Variants in GRM3 observed in about 807,000 individuals in gnomAD.
The protein encoded by GRM3 is glutamate metabotropic receptor 3, also known as metabotropic glutamate receptor 3.
Under a neutral mutation model 70.5 loss-of-function variants are expected in GRM3, and 26 were observed. The ratio of observed to expected loss-of-function variants is 0.37; its 90% CI spans 0.27 to 0.51. GRM3 has a LOEUF of 0.51. GRM3 is among the 20% of genes least tolerant of loss of function. GRM3 has a pLI of 0.93. For missense variants in GRM3, 859 were observed against 1,123.8 expected, an observed-to-expected ratio of 0.76 and a Z score of 3.37; for synonymous variants, 443 against 434.9, an observed-to-expected ratio of 1.02 and a Z score of -0.23.
At chr7:86,855,880 G>C (rs191873016) in intron 5 of GRM3, among the ~76,000 whole-genome samples, 1 of 152,080 alleles carries the variant, frequency 6.6e-6, no homozygotes, top group Non-Finnish European at 1.5e-5. Flanking sequence ...TTCAGCCCCC[G>C]AAAAACAGCA....
chr7:86,733,240 G>A (rs1795779283), intron 1 of GRM3, among the ~76,000 whole-genome samples: 1 of 151,822 alleles, frequency 6.6e-6, no homozygotes, highest in Non-Finnish European at 1.5e-5. Context: ...CAGGAACCCA[G>A]GAGGTGGAGC....
intron 1 of GRM3, among the ~76,000 whole-genome samples, chr7:86,710,635 G>A (rs1795176123): frequency 6.6e-6 from 1 of 150,826 alleles, no homozygotes; most frequent in South Asian, 2.1e-4. Flanking sequence ...ATTAACTTGG[G>A]GAAAATAGTT....
intron 5 of GRM3, among the ~76,000 whole-genome samples, 159 bp from the exon 6 acceptor site, chr7:86,864,123 C>T (rs577399770): frequency 6.7e-6 from 1 of 149,138 alleles, no homozygotes; most frequent in African/African-American, 2.6e-5. Flanking sequence ...GCACCCATCA[C>T]CTGGGTAGTA....
intron 1 of GRM3, among the ~76,000 whole-genome samples, chr7:86,654,481 T>C (rs1221388066): frequency 2.0e-5 from 3 of 152,194 alleles, no homozygotes; most frequent in Non-Finnish European, 2.9e-5. Flanking sequence ...TCACTTCTAC[T>C]GGACTGTCCC....
chr7:86,688,964 A>G (rs1015146440), intron 1 of GRM3, among the ~76,000 whole-genome samples: 33 of 148,230 alleles, frequency 2.2e-4, no homozygotes, highest in African/African-American at 7.8e-4. Context: ...AGTCTTGGTC[A>G]ATTAATTTAT....
At chr7:86,784,622 G>A (rs1584241263) in intron 2 of GRM3, 1 of 152,280 alleles carries the variant, frequency 6.6e-6, no homozygotes, top group South Asian at 2.1e-4. Context: ...GCCTAAATAA[G>A]TCAGTATAGG....
chr7:86,748,237 T>C (rs1045393155), intron 1 of GRM3, among the ~76,000 whole-genome samples: 6 of 152,060 alleles, frequency 3.9e-5, no homozygotes, highest in African/African-American at 1.4e-4. Context: ...GGAATATATA[T>C]ATTTTTTGTT....
chr7:86,808,471 C>T (rs572333690), intron 3 of GRM3, among the ~76,000 whole-genome samples: 7 of 151,236 alleles, frequency 4.6e-5, no homozygotes, highest in African/African-American at 1.7e-4. Context: ...ATGGCCCCAC[C>T]CTCTTCTGTA....
At chr7:86,809,501 C>T (rs572251213) in intron 3 of GRM3, among the ~76,000 whole-genome samples, 3 of 152,006 alleles carry the variant, frequency 2.0e-5, no homozygotes, top group Non-Finnish European at 2.9e-5. Context: ...AGGCAATCCT[C>T]GGGTTGCTCT....
chr7:86,736,260 T>C (rs1475063630), intron 1 of GRM3, among the ~76,000 whole-genome samples: 1 of 152,156 alleles, frequency 6.6e-6, no homozygotes, highest in East Asian at 1.9e-4. Context: ...AGATCCAAAG[T>C]GATCTTCAGG....
chr7:86,837,398 A>G (rs948598583), intron 3 of GRM3, among the ~76,000 whole-genome samples: 1 of 152,166 alleles, frequency 6.6e-6, no homozygotes, highest in African/African-American at 2.4e-5. Flanking sequence ...GGTGGAATGA[A>G]GCTCGCAGGG....
At chr7:86,756,290 G>A (rs1003628863) in intron 1 of GRM3, among the ~76,000 whole-genome samples, 1 of 152,072 alleles carries the variant, frequency 6.6e-6, no homozygotes, top group African/African-American at 2.4e-5. Context: ...TGTTGGCCAG[G>A]CTGGTCTCGA....
At chr7:86,840,261 T>A (rs943828108) in intron 4 of GRM3, among the ~76,000 whole-genome samples, 9 of 152,176 alleles carry the variant, frequency 5.9e-5, no homozygotes, top group Non-Finnish European at 1.2e-4. Context: ...AATCTAATTG[T>A]GAATCTATTT....
chr7:86,673,275 G>A (rs1794218745), intron 1 of GRM3, among the ~76,000 whole-genome samples: 1 of 152,064 alleles, frequency 6.6e-6, no homozygotes, highest in African/African-American at 2.4e-5. Flanking sequence ...TTATTTGTGG[G>A]GGAAGTAAGT....
At chr7:86,699,983 A>AACCC (rs1794913180) in intron 1 of GRM3, among the ~76,000 whole-genome samples, 1 of 151,978 alleles carries the variant, frequency 6.6e-6, no homozygotes, top group Non-Finnish European at 1.5e-5. Context: ...ATTAAGAGGT[A>AACCC]ACCCACACTA....
intron 1 of GRM3, among the ~76,000 whole-genome samples, chr7:86,759,145 T>C (rs897363033): frequency 6.6e-6 from 1 of 152,162 alleles, no homozygotes; most frequent in African/African-American, 2.4e-5. Flanking sequence ...CCGTCCTTCA[T>C]ACTTTGAAGG....
At chr7:86,663,656 T>C (rs1243693314) in intron 1 of GRM3, among the ~76,000 whole-genome samples, 1 of 151,952 alleles carries the variant, frequency 6.6e-6, no homozygotes, top group Admixed American at 6.6e-5. Context: ...GAAGTAGTCT[T>C]GGGGGCAGAT....
chr7:86,784,000 T>G (rs1484359272), intron 2 of GRM3, among the ~76,000 whole-genome samples: 1 of 152,284 alleles, frequency 6.6e-6, no homozygotes, highest in East Asian at 1.9e-4. Flanking sequence ...AAATTATTCT[T>G]AAAATGTTGG....
chr7:86,721,911 G>A (rs1401486703), intron 1 of GRM3, among the ~76,000 whole-genome samples: 1 of 152,122 alleles, frequency 6.6e-6, no homozygotes, highest in Non-Finnish European at 1.5e-5. Flanking sequence ...TCACTAGGAA[G>A]CATGGAAGAT....
Sources: gnomAD v4.1 joint callset for allele counts (sites outside exome capture counted in the v4.1 genomes callset) on GRCh38, gnomAD v4.1.1 for gene constraint, MANE v1.5 for transcripts, NCBI Gene and HGNC (gene_info 2026-07-23, HGNC 2026-07-21) for gene names.